The following CEP126 variants were observed in gnomAD, a reference collection of about 807,000 sequenced individuals.
CEP126 encodes the protein centrosomal protein of 126 kDa.
Under a neutral mutation model 107.8 loss-of-function variants are expected in CEP126, and 74 were observed. That is an observed-to-expected ratio of 0.69 (90% CI 0.57 to 0.83). The LOEUF (loss-of-function observed/expected upper bound fraction) is 0.83, where lower values mean the gene tolerates loss of function less well. Among genes scored for constraint, CEP126 ranks in the 40% least tolerant of loss-of-function variants. CEP126 has a pLI of 0.00. For missense variants in CEP126, 1,237 were observed against 1,281.9 expected (o/e 0.96, Z 0.53); for synonymous variants, 449 against 446.0 (o/e 1.01, Z -0.08).
chr11:101,933,978 G>C (rs1403049977), intron 2 of CEP126, among the ~76,000 whole-genome samples: 1 of 152,014 alleles, frequency 6.6e-6, no homozygotes, highest in Non-Finnish European at 1.5e-5. Flanking sequence ...TATGATAAAG[G>C]ATGTGAGAGG....
At chr11:101,954,637 T>C (rs1303839573) in intron 4 of CEP126, among the ~76,000 whole-genome samples, 1 of 143,848 alleles carries the variant, frequency 7.0e-6, no homozygotes, top group Non-Finnish European at 1.6e-5. Context: ...TGTGTATGTT[T>C]ATATATACAT....
chr11:101,956,347 A>G, intron 4 of CEP126: 1 of 456,046 alleles, frequency 2.2e-6, no homozygotes, highest in Non-Finnish European at 4.4e-6. Flanking sequence ...CTTATCCACC[A>G]GTCCCCACTC....
At chr11:101,988,272 A>G (rs1941337232) in intron 9 of CEP126, among the ~76,000 whole-genome samples, 1 of 152,186 alleles carries the variant, frequency 6.6e-6, no homozygotes, top group Non-Finnish European at 1.5e-5. Flanking sequence ...ATTGAAATGT[A>G]AAATTTAGTA....
At chr11:101,959,949 A>C (rs1383756218) in intron 5 of CEP126, among the ~76,000 whole-genome samples, 1 of 152,228 alleles carries the variant, frequency 6.6e-6, no homozygotes, top group Admixed American at 6.5e-5. Flanking sequence ...AATTTAAATA[A>C]AATTTCACAA....
chr11:101,932,760 G>A (rs1940520540), intron 2 of CEP126, among the ~76,000 whole-genome samples: 1 of 151,988 alleles, frequency 6.6e-6, no homozygotes, highest in Non-Finnish European at 1.5e-5. Context: ...GGTTTCCCTG[G>A]CTCCCTATCT....
chr11:101,977,042 C>T (rs1223147332), intron 6 of CEP126, among the ~76,000 whole-genome samples: 2 of 152,004 alleles, frequency 1.3e-5, no homozygotes, highest in South Asian at 2.1e-4. Context: ...GAACCTTAAT[C>T]GGAAATTTTT....
intron 6 of CEP126, among the ~76,000 whole-genome samples, chr11:101,974,951 A>G (rs1941175547): frequency 6.6e-6 from 1 of 152,218 alleles, no homozygotes; most frequent in African/African-American, 2.4e-5. Context: ...ACTTCAGAAA[A>G]TTGATGAGCA....
chr11:101,942,817 G>C (rs1940684553), intron 2 of CEP126, among the ~76,000 whole-genome samples: 1 of 151,730 alleles, frequency 6.6e-6, no homozygotes, highest in Non-Finnish European at 1.5e-5. Flanking sequence ...ACAGTTTTTG[G>C]TGTAGAAGTC....
intron 6 of CEP126, among the ~76,000 whole-genome samples, chr11:101,970,029 C>T (rs1198648970): frequency 6.6e-6 from 1 of 152,096 alleles, no homozygotes; most frequent in East Asian, 1.9e-4. Flanking sequence ...TTACACAATA[C>T]TTTAAAAGAA....
chr11:101,967,421 A>G (rs899056443), intron 6 of CEP126, among the ~76,000 whole-genome samples: 1 of 152,150 alleles, frequency 6.6e-6, no homozygotes, highest in South Asian at 2.1e-4. Flanking sequence ...GGGGGAAAAA[A>G]TTATTTGCTT....
At chr11:101,993,037 C>G (rs1311724098) in intron 10 of CEP126, 195 bp downstream of exon 10, 2 of 284,414 alleles carry the variant, frequency 7.0e-6, no homozygotes, top group Non-Finnish European at 1.1e-5. Flanking sequence ...TTAAAAAAAT[C>G]CTTAAAGGTC....
intron 5 of CEP126, among the ~76,000 whole-genome samples, chr11:101,961,000 A>G (rs535158796): frequency 6.6e-6 from 1 of 152,244 alleles, no homozygotes; most frequent in African/African-American, 2.4e-5. Context: ...GACAAATTTC[A>G]TGTAAATTTC....
At chr11:101,974,178 G>A (rs1941166620) in intron 6 of CEP126, among the ~76,000 whole-genome samples, 1 of 151,980 alleles carries the variant, frequency 6.6e-6, no homozygotes. Flanking sequence ...GTTTACCATA[G>A]CTGTTACAAG....
intron 10 of CEP126, 114 bp downstream of exon 10, chr11:101,992,956 A>T: frequency 9.2e-7 from 1 of 1,092,662 alleles, no homozygotes; most frequent in Non-Finnish European, 1.2e-6. Flanking sequence ...GGATTGGTTT[A>T]TAGAGGTTTT....
At chr11:101,952,451 T>C (rs1940825157) in intron 4 of CEP126, among the ~76,000 whole-genome samples, 1 of 152,204 alleles carries the variant, frequency 6.6e-6, no homozygotes, top group South Asian at 2.1e-4. Flanking sequence ...CAATGACTTC[T>C]TGAAAGCTAT....
rs200242264 is a variant in CEP126, at chr11:101,963,893, T to G, written c.2845+13T>G. ...AAGAGGGCTACAGGTAAGAATAAAT[T>G]TATAGCTTTTTATAGATAAAATGTA... On this transcript the variant is annotated intron_variant, in intron 6 of 10. Coordinates refer to ENST00000263468, the MANE Select transcript of CEP126 (RefSeq NM_020802.4). 6.7e-7 allele frequency: 1 copy of G among 1,485,628 alleles called. No homozygotes were observed. The highest frequency in any genetic ancestry group is 2.3e-5 in the East Asian group (1 of 44,204). The allele number at this position is 1,485,628 out of a possible 1,614,324, so 92.0% of individuals were successfully genotyped here.
chr11:101,929,153 T>G (rs1332399847), intron 2 of CEP126, among the ~76,000 whole-genome samples: 1 of 152,230 alleles, frequency 6.6e-6, no homozygotes, highest in Non-Finnish European at 1.5e-5. Context: ...ATTGAAGCAT[T>G]TTTATCATGG....
chr11:101,934,607 C>T (rs1228010782), intron 2 of CEP126, among the ~76,000 whole-genome samples: 1 of 152,044 alleles, frequency 6.6e-6, no homozygotes, highest in African/African-American at 2.4e-5. Context: ...TACCCTGAAA[C>T]CTCTTGCAGT....
chr11:101,958,351 T>C lies in CEP126; in HGVS notation c.690T>C (p.His230=). 1 of 1,613,206 alleles carries C rather than the reference T, an allele frequency of 6.2e-7. No homozygotes were observed. Among genetic ancestry groups the C allele is most frequent in the Non-Finnish European group, 8.5e-7 (1 of 1,179,614 alleles). Residue 230 remains histidine (H), a synonymous_variant, in exon 5 of 11, where the codon CAT becomes CAC. Transcript: ENST00000263468. ...EETQKLLEDQ[H]LSNLQKFCDE... ...CTCAGAAACTCCTCGAAGATCAACA[T>C]CTAAGCAATTTGCAAGTATGAAACT...
Sources: gnomAD v4.1 joint callset for allele counts (sites outside exome capture counted in the v4.1 genomes callset) on GRCh38, gnomAD v4.1.1 for gene constraint, MANE v1.5 for transcripts, NCBI Gene and HGNC (gene_info 2026-07-23, HGNC 2026-07-21) for gene names.